Variants in ASTN1 observed in about 807,000 individuals in gnomAD.
The protein encoded by ASTN1 is astrotactin-1.
Under a neutral mutation model 140.7 loss-of-function variants are expected in ASTN1, and 41 were observed. The observed-to-expected ratio is 0.29, with a 90% CI of 0.23 to 0.38. ASTN1 has a LOEUF of 0.38. Among genes scored for constraint, ASTN1 ranks in the 10% least tolerant of loss-of-function variants. The pLI is 1.00. For synonymous variants in ASTN1, 640 were observed against 652.2 expected (o/e 0.98, Z 0.29); for missense variants, 1,479 against 1,678.8 (o/e 0.88, Z 2.08).
chr1:176,937,544 C>T (rs1210719878), intron 14 of ASTN1, among the ~76,000 whole-genome samples: 1 of 151,964 alleles, frequency 6.6e-6, no homozygotes, highest in East Asian at 1.9e-4. Flanking sequence ...GAATTCTAGC[C>T]ATTACTATAA....
intron 1 of ASTN1, among the ~76,000 whole-genome samples, chr1:177,124,586 C>T (rs1465595576): frequency 2.0e-5 from 3 of 152,138 alleles, no homozygotes; most frequent in African/African-American, 7.2e-5. Flanking sequence ...TGATGTATAT[C>T]GCCTGAAGCA....
At chr1:176,904,787 C>G (rs1184206408) in intron 16 of ASTN1, among the ~76,000 whole-genome samples, 1 of 152,174 alleles carries the variant, frequency 6.6e-6, no homozygotes. Context: ...GCCCAGGACA[C>G]GGCAACTGTG....
chr1:177,034,148 C>T (rs560662615), intron 2 of ASTN1, among the ~76,000 whole-genome samples: 9 of 152,004 alleles, frequency 5.9e-5, no homozygotes, highest in Middle Eastern at 3.4e-3. Flanking sequence ...GGGGCTTTTC[C>T]AGTCTCATAA....
intron 17 of ASTN1, among the ~76,000 whole-genome samples, chr1:176,892,694 G>T (rs1406286346): frequency 6.6e-6 from 1 of 152,102 alleles, no homozygotes. Flanking sequence ...GACCAACAAA[G>T]GTCAGAAAAT....
chr1:176,938,134 G>T (rs1341443383), intron 14 of ASTN1, among the ~76,000 whole-genome samples: 1 of 152,098 alleles, frequency 6.6e-6, no homozygotes, highest in Non-Finnish European at 1.5e-5. Context: ...TTCTTTCAGG[G>T]CATTAATCTT....
At chr1:177,109,659 C>T (rs559180026) in intron 1 of ASTN1, among the ~76,000 whole-genome samples, 4 of 152,320 alleles carry the variant, frequency 2.6e-5, no homozygotes, top group African/African-American at 9.6e-5. Flanking sequence ...AACTGAAATG[C>T]TGATTGGAAT....
chr1:176,862,218 G>T lies in ASTN1; in HGVS notation c.*2066C>A. The stretch of plus-strand genomic sequence containing the variant: ...TTTTCTGCTGATCTTTGCTTTGAAA[G>T]TAGGGGAATCTCTGAGGCAGGTGCA... On this transcript the variant is annotated 3_prime_UTR_variant, in exon 23 of 23. Transcript: ENST00000361833. 1.0e-6 allele frequency: 1 copy of T among 985,440 alleles called. No homozygotes were observed. Among genetic ancestry groups the T allele is most frequent in the Non-Finnish European group, 1.2e-6 (1 of 829,952 alleles). The allele number at this position is 985,440 out of a possible 1,614,324, so 61.0% of individuals were successfully genotyped here. A position where few individuals can be genotyped will look rare whatever the true frequency, so the allele number is the denominator to read the frequency against.
chr1:177,070,289 C>G (rs1384444927), intron 1 of ASTN1, among the ~76,000 whole-genome samples: 1 of 152,178 alleles, frequency 6.6e-6, no homozygotes, highest in Non-Finnish European at 1.5e-5. Context: ...AGTGAGAGAT[C>G]TGTTCATTCC....
intron 1 of ASTN1, among the ~76,000 whole-genome samples, chr1:177,128,883 G>A (rs1681805030): frequency 6.6e-6 from 1 of 152,170 alleles, no homozygotes; most frequent in Non-Finnish European, 1.5e-5. Flanking sequence ...CATGAGCATT[G>A]AAATTTCTTA....
chr1:177,065,630 T>A (rs1678316029), intron 1 of ASTN1, among the ~76,000 whole-genome samples: 1 of 152,120 alleles, frequency 6.6e-6, no homozygotes, highest in African/African-American at 2.4e-5. Flanking sequence ...AACAGAAGGA[T>A]AACACATGTT....
chr1:177,034,789 G>A (rs1376749377), intron 2 of ASTN1, among the ~76,000 whole-genome samples: 1 of 152,170 alleles, frequency 6.6e-6, no homozygotes, highest in African/African-American at 2.4e-5. Context: ...CCACACAGAA[G>A]GAATAACTTC....
At chr1:177,119,017 T>G (rs560477329) in intron 1 of ASTN1, among the ~76,000 whole-genome samples, 2 of 152,278 alleles carry the variant, frequency 1.3e-5, no homozygotes, top group African/African-American at 4.8e-5. Flanking sequence ...TCCTACTCAC[T>G]CCTTTTTGTG....
chr1:176,883,146 C>A, intron 19 of ASTN1, 152 bp from the exon 20 acceptor site: 1 of 1,128,052 alleles, frequency 8.9e-7, no homozygotes, highest in Non-Finnish European at 1.2e-6. Flanking sequence ...ATGGCCTTTT[C>A]TATTTCATAT....
At chr1:177,008,862 G>C (rs1209924115) in intron 8 of ASTN1, among the ~76,000 whole-genome samples, 1 of 152,150 alleles carries the variant, frequency 6.6e-6, no homozygotes, top group Non-Finnish European at 1.5e-5. Flanking sequence ...AGGGCACCCA[G>C]AGATAAAGAA....
chr1:176,944,113 T>C (rs1671853963), intron 13 of ASTN1, 95 bp from the exon 14 acceptor site: 2 of 1,505,934 alleles, frequency 1.3e-6, no homozygotes, highest in South Asian at 1.2e-5. Flanking sequence ...GTTTCACTCT[T>C]GTTGCCCAGG....
In ASTN1 at chr1:176,943,901, G is replaced by T. The variant is rs1193604979; in HGVS notation, c.2367C>A (p.Asp789Glu). 1.2e-6 allele frequency: 2 copies of T among 1,606,248 alleles called. No homozygotes were observed. The highest frequency in any genetic ancestry group is 4.5e-5 in the East Asian group (2 of 44,540). ...AGAAGGCACACTCACCAGTCAGGAA[G>T]TCAGGGTCAGGGGTGGGCTCCGAGA... is the stretch of plus-strand genomic sequence containing the variant. Reference protein sequence around the residue: ...EEISEPTPDPDFLTGMVNFSE... With the variant: ...EEISEPTPDPEFLTGMVNFSE... The change falls in exon 14 of 23, where the codon GAC becomes GAA. Residue 789 changes from aspartate (D) to glutamate (E), a missense_variant. Physicochemically the swap from Asp to Glu is conservative, Grantham distance 45. This residue lies in a region of ASTN1 where 746 missense variants were observed against 800.9 expected (regional missense o/e 0.93). Coordinates refer to ENST00000361833, the MANE Select transcript of ASTN1 (RefSeq NM_004319.3).
chr1:176,957,620 C>G (rs752316351), intron 11 of ASTN1, 58 bp downstream of exon 11: 86 of 1,594,084 alleles, frequency 5.4e-5, no homozygotes, highest in Admixed American at 5.1e-4. Flanking sequence ...TGTGTCTTCC[C>G]CCGTGCCTTT....
chr1:176,862,513 T>C lies in ASTN1; in HGVS notation c.*1771A>G. The C allele has an allele frequency of 1.0e-6, 1 of 985,428 alleles. No individual in the cohort carries two copies. Among genetic ancestry groups the C allele is most frequent in the East Asian group, 1.1e-4 (1 of 8,796 alleles). The allele number at this position is 985,428 out of a possible 1,614,324, so 61.0% of individuals were successfully genotyped here. A position where few individuals can be genotyped will look rare whatever the true frequency, so the allele number is the denominator to read the frequency against. On this transcript the variant is annotated 3_prime_UTR_variant, in exon 23 of 23. Transcript: ENST00000361833. ...GGTAAAGCTCTCTGGGCAGGTTCCC[T>C]GTGGGGCTGAGAGCTTGGACAGTTG...
At chr1:177,063,649 T>C (rs1678208082) in intron 1 of ASTN1, among the ~76,000 whole-genome samples, 1 of 151,862 alleles carries the variant, frequency 6.6e-6, no homozygotes, top group Non-Finnish European at 1.5e-5. Flanking sequence ...CAAACTCCAT[T>C]CCCCACTTGG....
Sources: gnomAD v4.1 joint callset for allele counts (sites outside exome capture counted in the v4.1 genomes callset) on GRCh38, gnomAD v4.1.1 for gene constraint, gnomAD v4.1.1 regional missense constraint, MANE v1.5 for transcripts, NCBI Gene and HGNC (gene_info 2026-07-23, HGNC 2026-07-21) for gene names.